Variants in C6orf52 observed in about 807,000 individuals in gnomAD.
The protein encoded by C6orf52 is putative uncharacterized protein C6orf52.
In C6orf52, 16 loss-of-function variants were observed where a neutral mutation model predicts 16.6. That is an observed-to-expected ratio of 0.96 (90% CI 0.65 to 1.46). The LOEUF is 1.46. Among genes scored for constraint, C6orf52 ranks in the 40% most tolerant of loss-of-function variants. The probability of loss-of-function intolerance (pLI) is 0.00; values close to 1 mark genes in which losing one functional copy is unlikely to be tolerated. For missense variants in C6orf52, 166 were observed against 182.3 expected, an observed-to-expected ratio of 0.91 and a Z score of 0.52; for synonymous variants, 53 against 61.4, an observed-to-expected ratio of 0.86 and a Z score of 0.64.
intron 4 of C6orf52, among the ~76,000 whole-genome samples, chr6:10,682,542 G>A (rs1428124245): frequency 6.6e-6 from 1 of 152,144 alleles, no homozygotes; most frequent in Non-Finnish European, 1.5e-5. Context: ...GGTTTGTCTG[G>A]TAGGGGCAGG....
intron 1 of C6orf52, among the ~76,000 whole-genome samples, chr6:10,693,678 T>G (rs555202313): frequency 6.6e-6 from 1 of 152,216 alleles, no homozygotes; most frequent in South Asian, 2.1e-4. Context: ...TGGGAGCTTG[T>G]AGGAAAGCTG....
intron 4 of C6orf52, among the ~76,000 whole-genome samples, chr6:10,671,833 G>C (rs1221020906): frequency 1.3e-5 from 2 of 152,076 alleles, no homozygotes; most frequent in Admixed American, 1.3e-4. Context: ...AAGAGATGGA[G>C]GAAAAAAATG....
At chr6:10,691,044 CAT>C (rs1468906527) in intron 1 of C6orf52, among the ~76,000 whole-genome samples, 2 of 152,282 alleles carry the variant, frequency 1.3e-5, no homozygotes, top group Non-Finnish European at 2.9e-5. Flanking sequence ...GCCGAGGACA[CAT>C]AAAAAAGAGC....
At chr6:10,687,442 A>G (rs753251816) in intron 2 of C6orf52, 38 bp downstream of exon 2, 20 of 1,402,910 alleles carry the variant, frequency 1.4e-5, no homozygotes. Flanking sequence ...ATAGAACAGT[A>G]ACAGCTTTCC....
At position 10,683,187 on chromosome 6, in the gene C6orf52, C is replaced by T; in HGVS notation, c.316G>A (p.Asp106Asn). ...CACTTCAGCACAAGGTTTATGTTACCTTCTAGTGGGTCTTCATCTTGGTTT... is the reference window on the plus strand; with the variant it reads ...CACTTCAGCACAAGGTTTATGTTACTTTCTAGTGGGTCTTCATCTTGGTTT... ...AENQDEDPLE[D>N]PHLHLNIEES... The change falls in exon 4 of 5, where the codon GAT (aspartate) becomes AAT (asparagine). Residue 106 changes from aspartate (D) to asparagine (N), a missense_variant and splice_region_variant. Asp to Asn is a conservative substitution (Grantham distance 23). Coordinates refer to ENST00000259983, the MANE Select transcript of C6orf52 (RefSeq NM_001145020.3). 1 of 1,542,818 alleles carries T rather than the reference C, an allele frequency of 6.5e-7. No individual in the cohort carries two copies. The highest frequency in any genetic ancestry group is 8.8e-7 in the Non-Finnish European group (1 of 1,141,302).
chr6:10,683,304 GA>G, intron 3 of C6orf52, 72 bp from the exon 4 acceptor site: 1 of 920,696 alleles, frequency 1.1e-6, no homozygotes, highest in Admixed American at 2.8e-5. Context: ...ACTTTATTGG[GA>G]AAAACTCTAG....
In C6orf52 at chr6:10,693,072, ACT is replaced by A. The variant is rs532330397; in HGVS notation, c.-12+1420_-12+1421del. 3.0e-3 allele frequency among the ~76,000 whole-genome samples: 463 copies of A among 152,220 alleles called. 4 individuals carry two copies. Among genetic ancestry groups the A allele is most frequent in the African/African-American group, 9.5e-3 (396 of 41,534 alleles). On this transcript the variant is annotated intron_variant, in intron 1 of 4. Transcript: ENST00000259983. ...CAAGCCTCCTTGCTTTGTGCTAATAACTCTGTTAAGCCCTATTGTATGTAACT... is the reference window on the plus strand; with the variant it reads ...CAAGCCTCCTTGCTTTGTGCTAATAACTGTTAAGCCCTATTGTATGTAACT...
chr6:10,674,810 A>T (rs1488541195), intron 4 of C6orf52: 8 of 139,030 alleles, frequency 5.8e-5, no homozygotes, highest in Admixed American at 1.4e-4. Context: ...TATACAATAC[A>T]TTTTTTTTTT....
intron 4 of C6orf52, among the ~76,000 whole-genome samples, chr6:10,676,079 G>C (rs1043293352): frequency 6.6e-6 from 1 of 152,102 alleles, no homozygotes; most frequent in East Asian, 1.9e-4. Flanking sequence ...GCAGTGAGCC[G>C]AAATCACGCC....
At chr6:10,685,058 G>A (rs947906514) in intron 3 of C6orf52, 6 of 302,956 alleles carry the variant, frequency 2.0e-5, no homozygotes, top group Non-Finnish European at 3.1e-5. Context: ...TGAGAGAAGG[G>A]GTAGCCAGGT....
intron 1 of C6orf52, among the ~76,000 whole-genome samples, chr6:10,691,037 G>A (rs1239905352): frequency 2.6e-5 from 4 of 152,164 alleles, no homozygotes; most frequent in Non-Finnish European, 4.4e-5. Context: ...GTTCAAGGCC[G>A]AGGACACATA....
At chr6:10,688,844 C>T (rs1769056487) in intron 1 of C6orf52, among the ~76,000 whole-genome samples, 1 of 152,174 alleles carries the variant, frequency 6.6e-6, no homozygotes, top group South Asian at 2.1e-4. Context: ...TGGAGTCTCC[C>T]TCTGTCACCC....
At chr6:10,689,371 T>C (rs1561881445) in intron 1 of C6orf52, among the ~76,000 whole-genome samples, 1 of 152,194 alleles carries the variant, frequency 6.6e-6, no homozygotes, top group Non-Finnish European at 1.5e-5. Flanking sequence ...CTGGCATTGG[T>C]GATGTACTGG....
intron 1 of C6orf52, among the ~76,000 whole-genome samples, chr6:10,692,505 A>G (rs1008016039): frequency 6.6e-6 from 1 of 151,932 alleles, no homozygotes; most frequent in Non-Finnish European, 1.5e-5. Flanking sequence ...CAGTGGCGGG[A>G]TCTCGGCTCA....
chr6:10,676,924 A>C (rs1767946488), intron 4 of C6orf52, among the ~76,000 whole-genome samples: 1 of 152,212 alleles, frequency 6.6e-6, no homozygotes, highest in South Asian at 2.1e-4. Context: ...GCCTCTTCAT[A>C]ATCACTTGCA....
intron 4 of C6orf52, among the ~76,000 whole-genome samples, chr6:10,673,685 G>A (rs755148381): frequency 2.6e-5 from 4 of 152,016 alleles, no homozygotes; most frequent in East Asian, 1.9e-4. Flanking sequence ...ATTGCTTCCC[G>A]GCCTTTTGGC....
At chr6:10,691,834 GTTTTT>G (rs530591718) in intron 1 of C6orf52, among the ~76,000 whole-genome samples, 1 of 151,018 alleles carries the variant, frequency 6.6e-6, no homozygotes, top group African/African-American at 2.4e-5. Flanking sequence ...AAGTTTTGGG[GTTTTT>G]TTTTCTTTTT....
chr6:10,683,116 C>A (rs1768551146), intron 4 of C6orf52, 71 bp downstream of exon 4: 3 of 1,023,968 alleles, frequency 2.9e-6, no homozygotes, highest in Admixed American at 2.8e-5. Context: ...CAGTTTCTAG[C>A]AAGCTGAGTG....
chr6:10,677,094 A>G (rs1248251779), intron 4 of C6orf52, among the ~76,000 whole-genome samples: 1 of 152,156 alleles, frequency 6.6e-6, no homozygotes, highest in Non-Finnish European at 1.5e-5. Context: ...CATTGCCCAG[A>G]CCAATGTCGT....
Sources: gnomAD v4.1 joint callset for allele counts (sites outside exome capture counted in the v4.1 genomes callset) on GRCh38, gnomAD v4.1.1 for gene constraint, MANE v1.5 for transcripts, NCBI Gene and HGNC (gene_info 2026-07-23, HGNC 2026-07-21) for gene names.